AKAP13: variants seen among roughly 807,000 people sequenced by gnomAD.
AKAP13 encodes the protein A-kinase anchoring protein 13.
AKAP13 carries 80 observed loss-of-function variants against 264.5 expected under a neutral mutation model. The ratio of observed to expected loss-of-function variants is 0.30; its 90% CI spans 0.25 to 0.36. The LOEUF (loss-of-function observed/expected upper bound fraction) is 0.36. AKAP13 is among the 10% of genes least tolerant of loss of function. AKAP13 has a pLI of 1.00. For synonymous variants in AKAP13, 1,380 were observed against 1,250.2 expected (o/e 1.10, Z -2.19); for missense variants, 3,712 against 3,435.2 (o/e 1.08, Z -2.01).
At chr15:85,450,078 C>G (rs905931982) in intron 1 of AKAP13, among the ~76,000 whole-genome samples, 1 of 151,786 alleles carries the variant, frequency 6.6e-6, no homozygotes, top group African/African-American at 2.4e-5. Flanking sequence ...GCTTTTATTA[C>G]TGATTCAATT....
At position 85,702,558 on chromosome 15, in the gene AKAP13, C is replaced by T. The variant is rs1233484924; in HGVS notation, c.5465-5461C>T. 7.2e-5 allele frequency: 11 copies of T among 152,302 alleles called. No homozygotes were observed. The South Asian group carries it at 1.2e-3, about 17-fold the overall frequency. 9.4% of individuals were successfully genotyped at this position (152,302 alleles called of 1,614,324 possible). On this transcript the variant is annotated intron_variant, in intron 17 of 36. Transcript: ENST00000394518. ...TTACCTCCTAGGAAACCTTTGTGCT[C>T]TTAGGAGACAGTGGCTTCCCATTGT...
intron 8 of AKAP13, among the ~76,000 whole-genome samples, chr15:85,638,862 T>C (rs184135819): frequency 1.3e-5 from 2 of 152,116 alleles, no homozygotes; most frequent in East Asian, 3.9e-4. Context: ...GTTTAAGCAA[T>C]TCTTGTGCCT....
chr15:85,683,959 A>G (rs1597047921), intron 15 of AKAP13, among the ~76,000 whole-genome samples: 1 of 152,134 alleles, frequency 6.6e-6, no homozygotes, highest in Non-Finnish European at 1.5e-5. Flanking sequence ...CCCTCCTAAA[A>G]TTGAACCTAG....
chr15:85,531,583 C>G (rs777417747), intron 3 of AKAP13, among the ~76,000 whole-genome samples: 1 of 152,194 alleles, frequency 6.6e-6, no homozygotes, highest in African/African-American at 2.4e-5. Context: ...GGCTGCCCTT[C>G]AAAGAAATAT....
At chr15:85,459,016 T>A (rs2074398919) in intron 1 of AKAP13, among the ~76,000 whole-genome samples, 1 of 152,256 alleles carries the variant, frequency 6.6e-6, no homozygotes, top group Non-Finnish European at 1.5e-5. Context: ...ATATCACTTT[T>A]GTGCGAATGA....
At chr15:85,584,957 A>G (rs965525805) in intron 7 of AKAP13, among the ~76,000 whole-genome samples, 1 of 152,194 alleles carries the variant, frequency 6.6e-6, no homozygotes, top group Non-Finnish European at 1.5e-5. Context: ...TGCCTCAGAC[A>G]TCATTTATCA....
chr15:85,743,150 T>C (rs1392714492), intron 35 of AKAP13, among the ~76,000 whole-genome samples: 1 of 152,026 alleles, frequency 6.6e-6, no homozygotes, highest in Non-Finnish European at 1.5e-5. Context: ...AGAGCAATCT[T>C]AAGCAGCTCT....
chr15:85,459,699 C>T (rs1385258638), intron 1 of AKAP13, among the ~76,000 whole-genome samples: 2 of 152,034 alleles, frequency 1.3e-5, no homozygotes, highest in African/African-American at 2.4e-5. Flanking sequence ...TGGGGTTTCA[C>T]CGTGTTAGCC....
chr15:85,560,157 A>G (rs12900456), intron 5 of AKAP13, among the ~76,000 whole-genome samples: 8 of 124,304 alleles, frequency 6.4e-5, no homozygotes, highest in Admixed American at 4.2e-4. Context: ...AAAAAAAAAA[A>G]CAGTAAAAAT....
In AKAP13 at chr15:85,569,324, G is replaced by A. The variant is rs181297441; in HGVS notation, c.663-5807G>A. ...AGAGGACTGAATGCAGAGAATTGAT[G>A]TGTTCACCTCTAGGAGATGAGGAAG... On this transcript the variant is annotated intron_variant, in intron 5 of 36. Coordinates refer to ENST00000394518, the MANE Select transcript of AKAP13 (RefSeq NM_007200.5). 1.1e-3 allele frequency among the ~76,000 whole-genome samples: 175 copies of A among 152,242 alleles called. 1 individual carries two copies. Among genetic ancestry groups the A allele is most frequent in the Admixed American group, 3.5e-3 (53 of 15,290 alleles).
At chr15:85,388,039 CTT>C (rs59619317) in intron 1 of AKAP13, among the ~76,000 whole-genome samples, 98 of 143,758 alleles carry the variant, frequency 6.8e-4, no homozygotes, top group Middle Eastern at 3.4e-3. Context: ...CTTTCATTTC[CTT>C]TTTTTTTTTT....
chr15:85,590,440 ATT>A (rs1386972439), intron 8 of AKAP13, among the ~76,000 whole-genome samples: 1 of 152,138 alleles, frequency 6.6e-6, no homozygotes, highest in Non-Finnish European at 1.5e-5. Flanking sequence ...CTGAGGAGTA[ATT>A]TTTCATTCCT....
At chr15:85,572,332 T>TC in intron 5 of AKAP13, among the ~76,000 whole-genome samples, 1 of 152,190 alleles carries the variant, frequency 6.6e-6, no homozygotes, top group Non-Finnish European at 1.5e-5. Context: ...ATAAGGCATG[T>TC]TAGTGACTAT....
intron 1 of AKAP13, among the ~76,000 whole-genome samples, chr15:85,457,537 C>G (rs945979873): frequency 3.3e-5 from 5 of 152,182 alleles, no homozygotes; most frequent in African/African-American, 1.2e-4. Context: ...CCTAGCTCAG[C>G]ACCCTTGGCG....
chr15:85,488,329 G>A (rs999140204), intron 2 of AKAP13, among the ~76,000 whole-genome samples: 1 of 152,160 alleles, frequency 6.6e-6, no homozygotes, highest in South Asian at 2.1e-4. Flanking sequence ...GATTTGTTTT[G>A]AAAGTATTTT....
intron 14 of AKAP13, among the ~76,000 whole-genome samples, chr15:85,676,564 T>G (rs2084241001): frequency 1.3e-5 from 2 of 152,106 alleles, no homozygotes; most frequent in Non-Finnish European, 2.9e-5. Flanking sequence ...GCTTCCAGAT[T>G]AGAAAGATGT....
chr15:85,494,186 T>C (rs115394980), intron 2 of AKAP13, among the ~76,000 whole-genome samples: 2,537 of 152,070 alleles, frequency 0.017, 85 homozygotes, highest in African/African-American at 0.058. Context: ...TCAAAGTTAA[T>C]GGGCTCTATC....
chr15:85,613,874 T>C (rs1407073072), intron 8 of AKAP13, among the ~76,000 whole-genome samples: 4 of 151,486 alleles, frequency 2.6e-5, no homozygotes, highest in Non-Finnish European at 5.9e-5. Context: ...CTATACTCTC[T>C]TAAGGCTAAA....
Position 85,744,835 on chromosome 15 carries a change from G to A in AKAP13, c.*158G>A. The A allele has an allele frequency of 1.7e-6, 1 of 595,826 alleles. No individual in the cohort carries two copies. The highest frequency in any genetic ancestry group is 2.9e-6 in the Non-Finnish European group (1 of 350,662). 36.9% of individuals were successfully genotyped at this position (595,826 alleles called of 1,614,324 possible). On this transcript the variant is annotated 3_prime_UTR_variant, in exon 37 of 37. Transcript: ENST00000394518. ...AGGTCCTGGACAATAAGCAACAGATGATATTGAGTGTCGGGTGGGGAAGGA... is the reference window on the plus strand; with the variant it reads ...AGGTCCTGGACAATAAGCAACAGATAATATTGAGTGTCGGGTGGGGAAGGA...
Sources: allele counts gnomAD v4.1 joint callset (sites outside exome capture counted in the v4.1 genomes callset), GRCh38; gene constraint gnomAD v4.1.1; transcripts MANE v1.5; gene names NCBI Gene and HGNC (gene_info 2026-07-23, HGNC 2026-07-21).